The following TTLL11 variants were observed in gnomAD, a reference collection of about 807,000 sequenced individuals.
TTLL11 encodes the protein tubulin polyglutamylase TTLL11.
In TTLL11, 42 loss-of-function variants were observed where a neutral mutation model predicts 51.7. The ratio of observed to expected loss-of-function variants is 0.81; its 90% CI spans 0.64 to 1.05. The LOEUF (loss-of-function observed/expected upper bound fraction) is 1.05, where lower values mean the gene tolerates loss of function less well. Ranked by LOEUF, TTLL11 falls within the 50% of genes least tolerant of loss-of-function variation. TTLL11 has a pLI of 0.00. For synonymous variants in TTLL11, 381 were observed against 383.5 expected, an observed-to-expected ratio of 0.99 and a Z score of 0.08; for missense variants, 799 against 940.4, an observed-to-expected ratio of 0.85 and a Z score of 1.97.
At chr9:121,937,063 C>T (rs1319812307) in intron 6 of TTLL11, among the ~76,000 whole-genome samples, 1 of 152,200 alleles carries the variant, frequency 6.6e-6, no homozygotes, top group Non-Finnish European at 1.5e-5. Context: ...TGATGTTTTA[C>T]ATTTATCAAA....
chr9:121,972,518 AC>A (rs368322960), intron 6 of TTLL11, among the ~76,000 whole-genome samples: 2 of 152,356 alleles, frequency 1.3e-5, no homozygotes, highest in African/African-American at 4.8e-5. Context: ...CTACAGGTAA[AC>A]ATTCTCAGCC....
intron 1 of TTLL11, among the ~76,000 whole-genome samples, chr9:122,051,207 A>G (rs1186014501): frequency 6.6e-6 from 1 of 152,222 alleles, no homozygotes; most frequent in Non-Finnish European, 1.5e-5. Context: ...TTTTGCAGAT[A>G]AAGAAATATA....
chr9:121,885,047 G>A (rs1193467298), intron 6 of TTLL11: 1 of 152,140 alleles, frequency 6.6e-6, no homozygotes, highest in Non-Finnish European at 1.5e-5. Context: ...GAAAACACTT[G>A]AATTTGCCCA....
chr9:122,074,152 T>G (rs184682873), intron 1 of TTLL11, among the ~76,000 whole-genome samples: 235 of 151,944 alleles, frequency 1.5e-3, no homozygotes, highest in African/African-American at 5.1e-3. Flanking sequence ...TGCGCACATA[T>G]AATACCAGCA....
At chr9:121,863,429 G>A (rs1272672551) in intron 7 of TTLL11, among the ~76,000 whole-genome samples, 1 of 152,192 alleles carries the variant, frequency 6.6e-6, no homozygotes. Flanking sequence ...GGTTAATAGA[G>A]TATTAAAAGG....
chr9:121,919,768 T>C (rs1840456067), intron 6 of TTLL11, among the ~76,000 whole-genome samples: 1 of 150,170 alleles, frequency 6.7e-6, no homozygotes, highest in South Asian at 2.1e-4. Flanking sequence ...TCCCAGCATC[T>C]TGGGAGTCTG....
At chr9:121,855,157 C>T (rs969345807) in intron 8 of TTLL11, among the ~76,000 whole-genome samples, 2 of 151,968 alleles carry the variant, frequency 1.3e-5, no homozygotes, top group Non-Finnish European at 2.9e-5. Context: ...GGTGAGTTTG[C>T]GGATGCTTAT....
intron 6 of TTLL11, among the ~76,000 whole-genome samples, chr9:121,895,484 AGTGT>A (rs887506455): frequency 2.7e-5 from 4 of 147,134 alleles, no homozygotes; most frequent in African/African-American, 1.0e-4. Flanking sequence ...TATGAGTGTT[AGTGT>A]GTGTGGTTGT....
In TTLL11 at chr9:121,835,453, C is replaced by A. The variant is rs867010119; in HGVS notation, c.1841-12574G>T. On this transcript the variant is annotated intron_variant, in intron 8 of 8. Transcript: ENST00000321582. ...CTCAAGGAAAAAAGCCTTGCTTCTG[C>A]CACCACCCACCCCACCAGCTCAGGA... 2.0e-5 allele frequency among the ~76,000 whole-genome samples: 3 copies of A among 152,186 alleles called. No individual in the cohort carries two copies. In the South Asian group the frequency reaches 6.2e-4, roughly 32 times the overall value.
chr9:122,055,289 C>T (rs1188806239), intron 1 of TTLL11, among the ~76,000 whole-genome samples: 1 of 152,018 alleles, frequency 6.6e-6, no homozygotes, highest in Non-Finnish European at 1.5e-5. Flanking sequence ...CAAGGTCCCA[C>T]AATAGTCTAT....
chr9:121,936,455 G>A (rs554305832), intron 6 of TTLL11, among the ~76,000 whole-genome samples: 10 of 152,118 alleles, frequency 6.6e-5, no homozygotes. Context: ...TATCAAGCTG[G>A]ATTGCAGAAA....
chr9:121,864,778 T>C (rs80191671), intron 7 of TTLL11, among the ~76,000 whole-genome samples: 18 of 152,206 alleles, frequency 1.2e-4, no homozygotes, highest in Non-Finnish European at 1.8e-4. Flanking sequence ...GAATCACAAA[T>C]CATTTAAGTT....
intron 8 of TTLL11, among the ~76,000 whole-genome samples, chr9:121,851,098 T>C (rs1185508265): frequency 2.6e-5 from 4 of 152,192 alleles, no homozygotes; most frequent in African/African-American, 9.7e-5. Flanking sequence ...CTGAAAAGGC[T>C]AGATACGATA....
At chr9:122,055,498 TA>T (rs1845270694) in intron 1 of TTLL11, among the ~76,000 whole-genome samples, 1 of 152,178 alleles carries the variant, frequency 6.6e-6, no homozygotes, top group Non-Finnish European at 1.5e-5. Context: ...CCGCTCAGAT[TA>T]AGGGTGGGTC....
At chr9:122,016,334 G>C (rs1425168126) in intron 3 of TTLL11, among the ~76,000 whole-genome samples, 2 of 152,196 alleles carry the variant, frequency 1.3e-5, no homozygotes, top group Non-Finnish European at 2.9e-5. Flanking sequence ...TAGCTGCCGA[G>C]GTTGGCAAGG....
chr9:122,000,813 G>A lies in TTLL11; in HGVS notation c.694-11043C>T, dbSNP rs111370648. 5.7e-4 allele frequency among the ~76,000 whole-genome samples: 87 copies of A among 152,172 alleles called. 1 individual carries two copies. The highest frequency in any genetic ancestry group is 1.6e-3 in the African/African-American group (68 of 41,504). On this transcript the variant is annotated intron_variant, in intron 3 of 8. Transcript: ENST00000321582. ...TAAACTTGCATCCACTTTACTTTAC[G>A]GACTTGCCCTGAATTCTTTCTTGCA...
Position 121,939,774 on chromosome 9 carries a change from C to G in TTLL11, c.1481+34235G>C, listed in dbSNP as rs147226463. 5.9e-5 allele frequency among the ~76,000 whole-genome samples: 9 copies of G among 152,238 alleles called. 1 individual carries two copies. The highest frequency in any genetic ancestry group is 2.2e-4 in the African/African-American group (9 of 41,538). Reference sequence around the variant, plus strand: ...CACTGAGATAATCGCTGGTGCTCATCGTACCCCATTTCCTGCACCCAGCCC... The same window carrying G: ...CACTGAGATAATCGCTGGTGCTCATGGTACCCCATTTCCTGCACCCAGCCC... On this transcript the variant is annotated intron_variant, in intron 6 of 8. Transcript: ENST00000321582.
intron 1 of TTLL11, among the ~76,000 whole-genome samples, chr9:122,075,494 T>G (rs755190385): frequency 1.3e-5 from 2 of 152,238 alleles, no homozygotes; most frequent in African/African-American, 4.8e-5. Context: ...TAAAGCTTAT[T>G]AAACTGTCAC....
chr9:121,909,853 G>C (rs1840054106), intron 6 of TTLL11, among the ~76,000 whole-genome samples: 2 of 152,188 alleles, frequency 1.3e-5, no homozygotes, highest in Admixed American at 1.3e-4. Flanking sequence ...GTAGAGCTGA[G>C]TGGGTGGCAG....
Sources: allele counts gnomAD v4.1 joint callset (sites outside exome capture counted in the v4.1 genomes callset), GRCh38; gene constraint gnomAD v4.1.1; transcripts MANE v1.5; gene names NCBI Gene and HGNC (gene_info 2026-07-23, HGNC 2026-07-21).